Variants in FAT2 observed in about 807,000 individuals in gnomAD.
The protein encoded by FAT2 is FAT atypical cadherin 2.
A neutral mutation model predicts 295.3 loss-of-function variants in FAT2; 150 were observed. The observed-to-expected ratio is 0.51, with a 90% CI of 0.44 to 0.58. The LOEUF (loss-of-function observed/expected upper bound fraction) is 0.58, where lower values mean the gene tolerates loss of function less well. FAT2 is among the 20% of genes least tolerant of loss of function. The pLI is 0.00. For synonymous variants in FAT2, 2,026 were observed against 2,150.3 expected, an observed-to-expected ratio of 0.94 and a Z score of 1.60; for missense variants, 4,868 against 5,442.7, an observed-to-expected ratio of 0.89 and a Z score of 3.32.
At chr5:151,514,927 A>G (rs916175759) in intron 20 of FAT2, among the ~76,000 whole-genome samples, 1 of 152,186 alleles carries the variant, frequency 6.6e-6, no homozygotes, top group Admixed American at 6.5e-5. Flanking sequence ...ACATGGTGTT[A>G]TTGCTCTAAT....
rs1159761232 is a variant in FAT2 at position 151,567,872 on chromosome 5, G to A, written c.1060C>T (p.Pro354Ser). 6.2e-7 allele frequency: 1 copy of A among 1,614,152 alleles called. No homozygotes were observed. The highest frequency in any genetic ancestry group is 1.1e-5 in the South Asian group (1 of 91,068). Reference sequence around the variant, plus strand: ...AATTTGAGGGAAGACAGTTTGGAAGGTGGTAGGTGAAAGCCCCTGATCTGG... The same window carrying A: ...AATTTGAGGGAAGACAGTTTGGAAGATGGTAGGTGAAAGCCCCTGATCTGG... ...YSQIRGFHLP[P>S]SKLSSLKFEK... Residue 354 changes from proline to serine, a missense_variant, in exon 2 of 24, where the codon CCT becomes TCT. Physicochemically the swap from Pro to Ser is moderately conservative, Grantham distance 74. Coordinates refer to ENST00000261800, the MANE Select transcript of FAT2 (RefSeq NM_001447.3).
At chr5:151,557,561 G>A (rs1757807709) in intron 3 of FAT2, among the ~76,000 whole-genome samples, 1 of 152,190 alleles carries the variant, frequency 6.6e-6, no homozygotes, top group Non-Finnish European at 1.5e-5. Context: ...GGACTCCTGA[G>A]GCTAGACCCA....
Position 151,553,227 on chromosome 5 carries a change from C to T in FAT2, c.4106G>A (p.Gly1369Glu), listed in dbSNP as rs759936860. The stretch of plus-strand genomic sequence containing the variant: ...GGGTCTGCCCTCTACGCTGATGACC[C>T]CCACCATGTGGTTCACAGGGTCCGT... ...METDPVNHMV[G>E]VISVEGRPGL... is the part of the protein sequence containing the mutation. The change falls in exon 6 of 24, where the codon GGG becomes GAG. Residue 1369 changes from glycine to glutamate, a missense_variant. Around this residue, in one of 5 missense-constraint regions of FAT2, gnomAD observed 3,297 missense variants for 3,669.4 expected, o/e 0.90. Coordinates refer to ENST00000261800, the MANE Select transcript of FAT2 (RefSeq NM_001447.3). 6.2e-7 allele frequency: 1 copy of T among 1,614,232 alleles called. No homozygotes were observed. Among genetic ancestry groups the T allele is most frequent in the Non-Finnish European group, 8.5e-7 (1 of 1,180,036 alleles).
chr5:151,525,861 G>T lies in FAT2; in HGVS notation c.10413C>A (p.Asn3471Lys), dbSNP rs369724133. Residue 3471 changes from asparagine (N) to lysine (K), a missense_variant, in exon 18 of 24, where the codon AAC becomes AAA. Coordinates refer to ENST00000261800, the MANE Select transcript of FAT2 (RefSeq NM_001447.3). ...PYSFRITKGN[N>K]GSAFRVTPDG... ...CCGGGGTCACTCGGAAGGCAGAGCC[G>T]TTGTTCCCCTTGGTGATTCGAAACG... The T allele has an allele frequency of 6.1e-5, 98 of 1,614,086 alleles. No individual in the cohort carries two copies. The Admixed American group carries it at 1.4e-3, about 23-fold the overall frequency.
chr5:151,593,125 A>G (rs1287250617), upstream of FAT2, among the ~76,000 whole-genome samples: 3 of 152,204 alleles, frequency 2.0e-5, no homozygotes, highest in South Asian at 2.1e-4. Flanking sequence ...GAGGGGACCT[A>G]CTGTGATCGA....
rs773827324 is a variant in FAT2 at position 151,556,366 on chromosome 5, TTC to T, written c.3609_3610del (p.Asn1204GlnfsTer3). 2.5e-6 allele frequency: 4 copies of T among 1,613,964 alleles called. No individual in the cohort carries two copies. The highest frequency in any genetic ancestry group is 3.4e-6 in the Non-Finnish European group (4 of 1,179,844). On this transcript the variant is annotated frameshift_variant, in exon 4 of 24. Coordinates refer to ENST00000261800, the MANE Select transcript of FAT2 (RefSeq NM_001447.3). LOFTEE classifies it high-confidence loss of function. Reference sequence around the variant, plus strand: ...TACCTCCAGGATGTGTTCATCCTTGTTCTCTCTGTCCAGCTGCTGGGCTGTAG... The same window carrying T: ...TACCTCCAGGATGTGTTCATCCTTGTTCTCTGTCCAGCTGCTGGGCTGTAG...
chr5:151,539,903 G>A (rs567816624), intron 11 of FAT2, among the ~76,000 whole-genome samples: 25 of 152,248 alleles, frequency 1.6e-4, no homozygotes, highest in South Asian at 6.2e-4. Context: ...GCCCTGTCTC[G>A]TGTTTGTGTC....
rs894566151 is a variant in FAT2 at position 151,551,580 on chromosome 5, T to C, written c.4183A>G (p.Ile1395Val). 5 of 1,614,226 alleles carry C rather than the reference T, an allele frequency of 3.1e-6. No individual in the cohort carries two copies. The highest frequency in any genetic ancestry group is 4.2e-6 in the Non-Finnish European group (5 of 1,180,024). ...ACGATGCTGCCTGTGGTCTTCTCAA[T>C]GTCAAAGTCCATGTCCTTATCCCCA... is the stretch of plus-strand genomic sequence containing the variant. ...SGGDKDMDFD[I>V]EKTTGSIVIA... Residue 1395 changes from isoleucine to valine, a missense_variant, in exon 7 of 24, where the codon ATT (isoleucine) becomes GTT (valine). By Grantham distance (29) the Ile-to-Val change is conservative. This residue lies in a region of FAT2 where 3,297 missense variants were observed against 3,669.4 expected (regional missense o/e 0.90). Coordinates refer to ENST00000261800, the MANE Select transcript of FAT2 (RefSeq NM_001447.3).
chr5:151,543,006 C>T lies in FAT2; in HGVS notation c.8121G>A (p.Gly2707=). Residue 2707 remains glycine, a synonymous_variant, in exon 10 of 24, where the codon GGG becomes GGA. Coordinates refer to ENST00000261800, the MANE Select transcript of FAT2 (RefSeq NM_001447.3). ...CTGCTTTAACAATCCCAATTTCAGA[C>T]CCCTCTGGAAGGTCTTCAGGTGCAG... is the stretch of plus-strand genomic sequence containing the variant. The part of the protein sequence containing the change: ...TFSAPEDLPE[G]SEIGIVKAVA... The T allele has an allele frequency of 6.2e-7, 1 of 1,614,206 alleles. No individual in the cohort carries two copies. Among genetic ancestry groups the T allele is most frequent in the East Asian group, 2.2e-5 (1 of 44,888 alleles).
intron 1 of FAT2, among the ~76,000 whole-genome samples, chr5:151,570,894 C>T (rs7726769): frequency 5.3e-5 from 8 of 151,840 alleles, no homozygotes; most frequent in African/African-American, 1.9e-4. Context: ...GACAGCATTC[C>T]GAGATAAGAG....
chr5:151,506,132 T>C, intron 23 of FAT2, 35 bp from the exon 24 acceptor site: 2 of 1,492,934 alleles, frequency 1.3e-6, no homozygotes, highest in Non-Finnish European at 1.8e-6. Context: ...TGAGCTCATT[T>C]TCTCCCCGGA....
chr5:151,556,426 A>T, intron 3 of FAT2, 24 bp from the exon 4 acceptor site: 1 of 1,586,562 alleles, frequency 6.3e-7, no homozygotes, highest in Admixed American at 1.7e-5. Context: ...GATAAGGGAG[A>T]GACATGAGCA....
At chr5:151,552,577 G>T (rs1419885875) in intron 6 of FAT2, among the ~76,000 whole-genome samples, 2 of 152,202 alleles carry the variant, frequency 1.3e-5, no homozygotes, top group Non-Finnish European at 2.9e-5. Context: ...ATTTGTGTGT[G>T]TTTGTGCACA....
Position 151,505,803 on chromosome 5 carries a change from T to C in FAT2, c.12812A>G (p.Tyr4271Cys). The change falls in exon 24 of 24, where the codon TAC becomes TGC. Residue 4271 changes from tyrosine to cysteine, a missense_variant. Tyr to Cys is a radical substitution (Grantham distance 194, BLOSUM62 -2). This residue lies in a region of FAT2 where 492 missense variants were observed against 482.6 expected (regional missense o/e 1.02). Coordinates refer to ENST00000261800, the MANE Select transcript of FAT2 (RefSeq NM_001447.3). Reference protein sequence around the residue: ...ERLVAPCLNEYTAISYYHSQF... With the variant: ...ERLVAPCLNECTAISYYHSQF... ...CGAGTGGTAGTAGCTGATGGCCGTGTACTCATTGAGACAGGGGGCAACCAG... is the reference window on the plus strand; with the variant it reads ...CGAGTGGTAGTAGCTGATGGCCGTGCACTCATTGAGACAGGGGGCAACCAG... The C allele has an allele frequency of 6.2e-7, 1 of 1,613,900 alleles. No individual in the cohort carries two copies. The highest frequency in any genetic ancestry group is 8.5e-7 in the Non-Finnish European group (1 of 1,179,934).
Position 151,544,418 on chromosome 5 carries a change from T to C in FAT2, c.6709A>G (p.Thr2237Ala), listed in dbSNP as rs1342842184. ...GCTCTGACTGTGAACACATGTTTGG[T>C]CTTGGACTCATAGTCCAAAGGCCCT... Reference protein sequence around the residue: ...VTGPLDYESKTKHVFTVRATD... With the variant: ...VTGPLDYESKAKHVFTVRATD... Residue 2237 changes from threonine (T) to alanine (A), a missense_variant, in exon 10 of 24, where the codon ACC becomes GCC. By Grantham distance (58) the Thr-to-Ala change is moderately conservative. Around this residue, in one of 5 missense-constraint regions of FAT2, gnomAD observed 3,297 missense variants for 3,669.4 expected, o/e 0.90. Transcript: ENST00000261800. 6.2e-7 allele frequency: 1 copy of C among 1,614,092 alleles called. No individual in the cohort carries two copies. The highest frequency in any genetic ancestry group is 8.5e-7 in the Non-Finnish European group (1 of 1,180,040).
chr5:151,525,447 G>C (rs562337749), intron 18 of FAT2, among the ~76,000 whole-genome samples: 58 of 152,346 alleles, frequency 3.8e-4, no homozygotes, highest in African/African-American at 1.3e-3. Flanking sequence ...CAGGCACAGA[G>C]CAGGGATTAA....
chr5:151,536,576 C>T (rs866214542), intron 12 of FAT2, among the ~76,000 whole-genome samples: 3 of 152,170 alleles, frequency 2.0e-5, no homozygotes, highest in African/African-American at 7.2e-5. Context: ...TCCACTCCAC[C>T]AGACTCTCAC....
intron 6 of FAT2, 128 bp downstream of exon 6, chr5:151,553,049 G>A (rs533525640): frequency 5.6e-5 from 47 of 844,540 alleles, no homozygotes; most frequent in Middle Eastern, 3.3e-4. Flanking sequence ...TCCCCACTCC[G>A]GGCTGAAAGA....
At chr5:151,569,043 A>C in intron 1 of FAT2, 92 bp from the exon 2 acceptor site, 1 of 1,257,830 alleles carries the variant, frequency 8.0e-7, no homozygotes, top group Non-Finnish European at 1.1e-6. Flanking sequence ...TTGACCCTCA[A>C]GGGACACTTG....
Sources: allele counts gnomAD v4.1 joint callset (sites outside exome capture counted in the v4.1 genomes callset), GRCh38; gene constraint gnomAD v4.1.1; regional missense constraint gnomAD v4.1.1; transcripts MANE v1.5; gene names NCBI Gene and HGNC (gene_info 2026-07-23, HGNC 2026-07-21).